Variants in GABBR2 observed in about 807,000 individuals in gnomAD.
GABBR2 encodes the protein gamma-aminobutyric acid type B receptor subunit 2, also known as G-protein coupled receptor 51.
A neutral mutation model predicts 105.6 loss-of-function variants in GABBR2; 23 were observed. That is an observed-to-expected ratio of 0.22 (90% CI 0.16 to 0.31). The LOEUF (loss-of-function observed/expected upper bound fraction) is 0.31, where lower values mean the gene tolerates loss of function less well. GABBR2 is among the 10% of genes least tolerant of loss of function. GABBR2 has a pLI of 1.00. For missense variants in GABBR2, 734 were observed against 1,245.5 expected (o/e 0.59, Z 6.18); for synonymous variants, 478 against 499.7 (o/e 0.96, Z 0.58).
chr9:98,405,091 G>A (rs563732703), intron 8 of GABBR2, among the ~76,000 whole-genome samples: 1 of 152,270 alleles, frequency 6.6e-6, no homozygotes, highest in Admixed American at 6.5e-5. Context: ...ATGAGATCGT[G>A]TCTAGGAGCT....
chr9:98,304,358 C>T (rs1490441472), intron 15 of GABBR2: 1 of 152,342 alleles, frequency 6.6e-6, no homozygotes, highest in African/African-American at 2.4e-5. Flanking sequence ...CTAGAGGAGA[C>T]CCAAGGGTCC....
intron 13 of GABBR2, among the ~76,000 whole-genome samples, chr9:98,349,358 T>TG (rs1831356407): frequency 6.0e-5 from 1 of 16,638 alleles, no homozygotes; most frequent in Non-Finnish European, 2.1e-4. Flanking sequence ...TGTTTTTTTT[T>TG]TTTTTTTTTT....
Position 98,299,211 on chromosome 9 carries a change from C to T in GABBR2, c.2542+13G>A. 2 of 1,613,096 alleles carry T rather than the reference C, an allele frequency of 1.2e-6. No individual in the cohort carries two copies. Among genetic ancestry groups the T allele is most frequent in the South Asian group, 1.1e-5 (1 of 91,058 alleles). On this transcript the variant is annotated intron_variant, in intron 17 of 18. Transcript: ENST00000259455. ...AAGGTCCCTACCACATTCTGGGGCCCTGGCTCTCTTACCTGTGCTCTCAGT... is the reference window on the plus strand; with the variant it reads ...AAGGTCCCTACCACATTCTGGGGCCTTGGCTCTCTTACCTGTGCTCTCAGT...
At chr9:98,400,266 A>G (rs1179498775) in intron 8 of GABBR2, among the ~76,000 whole-genome samples, 4 of 152,102 alleles carry the variant, frequency 2.6e-5, no homozygotes, top group African/African-American at 9.7e-5. Context: ...AATGACTAAT[A>G]AGCACAGAAA....
chr9:98,305,294 A>G (rs1341208603), intron 15 of GABBR2, among the ~76,000 whole-genome samples: 1 of 152,250 alleles, frequency 6.6e-6, no homozygotes, highest in Non-Finnish European at 1.5e-5. Flanking sequence ...GGACCCAACA[A>G]TACTACTTCT....
chr9:98,318,129 C>T (rs1033936674), intron 13 of GABBR2, among the ~76,000 whole-genome samples: 3 of 152,142 alleles, frequency 2.0e-5, no homozygotes, highest in Non-Finnish European at 4.4e-5. Context: ...GTGTGATAAG[C>T]GAGAGGACAG....
At chr9:98,576,819 G>A (rs151048131) in intron 2 of GABBR2, among the ~76,000 whole-genome samples, 303 of 152,292 alleles carry the variant, frequency 2.0e-3, no homozygotes, top group African/African-American at 7.1e-3. Context: ...CCAGAATAAT[G>A]TGAACCATAC....
At chr9:98,374,801 T>C (rs1359141428) in intron 11 of GABBR2, among the ~76,000 whole-genome samples, 2 of 152,174 alleles carry the variant, frequency 1.3e-5, no homozygotes, top group Non-Finnish European at 2.9e-5. Flanking sequence ...GCCTTTTCCT[T>C]TGCTGATATT....
At chr9:98,399,351 C>CAAAA (rs56407615) in intron 8 of GABBR2, among the ~76,000 whole-genome samples, 1 of 98,386 alleles carries the variant, frequency 1.0e-5, no homozygotes, top group Admixed American at 1.2e-4. Flanking sequence ...GACTCCATCT[C>CAAAA]AAAAAAAAAA....
At chr9:98,553,334 C>T (rs1341619520) in intron 2 of GABBR2, among the ~76,000 whole-genome samples, 2 of 151,994 alleles carry the variant, frequency 1.3e-5, no homozygotes, top group South Asian at 4.2e-4. Flanking sequence ...TGGCTAACAC[C>T]TGTAATCCCA....
At chr9:98,575,801 C>A (rs1270018425) in intron 2 of GABBR2, among the ~76,000 whole-genome samples, 3 of 152,156 alleles carry the variant, frequency 2.0e-5, no homozygotes, top group Non-Finnish European at 4.4e-5. Context: ...CTTTTCTGGT[C>A]TCCTCTTCCT....
At chr9:98,555,066 G>A (rs1425576115) in intron 2 of GABBR2, among the ~76,000 whole-genome samples, 9 of 152,194 alleles carry the variant, frequency 5.9e-5, no homozygotes, top group African/African-American at 2.2e-4. Context: ...CAGGGCTGTC[G>A]TGAGGGTTGG....
intron 1 of GABBR2, among the ~76,000 whole-genome samples, chr9:98,708,180 C>CCACACACA (rs1474407105): frequency 3.9e-5 from 6 of 152,176 alleles, no homozygotes; most frequent in Non-Finnish European, 8.8e-5. Flanking sequence ...CCACCCCTCC[C>CCACACACA]CACACACACA....
At chr9:98,318,208 C>T (rs765141404) in intron 13 of GABBR2, among the ~76,000 whole-genome samples, 2 of 152,160 alleles carry the variant, frequency 1.3e-5, no homozygotes, top group Non-Finnish European at 2.9e-5. Context: ...GATTCAGGTG[C>T]GCGGTCCCGG....
At chr9:98,540,669 C>T (rs1203453091) in intron 3 of GABBR2, among the ~76,000 whole-genome samples, 4 of 152,220 alleles carry the variant, frequency 2.6e-5, no homozygotes, top group African/African-American at 9.6e-5. Flanking sequence ...GTCTAGACCC[C>T]TGACTCACAC....
At chr9:98,335,955 C>A (rs1831107731) in intron 13 of GABBR2, among the ~76,000 whole-genome samples, 1 of 152,134 alleles carries the variant, frequency 6.6e-6, no homozygotes, top group African/African-American at 2.4e-5. Flanking sequence ...AGAAAGAGCT[C>A]TGAGTAAGAT....
At chr9:98,706,109 C>CAAAAAAAA (rs3983388) in intron 1 of GABBR2, among the ~76,000 whole-genome samples, 1 of 136,994 alleles carries the variant, frequency 7.3e-6, no homozygotes, top group African/African-American at 2.8e-5. Flanking sequence ...ACAAAAAAAA[C>CAAAAAAAA]AAAAAAAAAA....
At chr9:98,358,966 T>A (rs1474753979) in intron 13 of GABBR2, among the ~76,000 whole-genome samples, 1 of 152,212 alleles carries the variant, frequency 6.6e-6, no homozygotes, top group African/African-American at 2.4e-5. Context: ...CTGAGTGACC[T>A]GGGCCAGTCA....
chr9:98,609,423 A>G (rs1829474621), intron 1 of GABBR2, among the ~76,000 whole-genome samples: 1 of 152,150 alleles, frequency 6.6e-6, no homozygotes, highest in Non-Finnish European at 1.5e-5. Context: ...TTACCCTTCC[A>G]TCTATGAAAT....
Sources: gnomAD v4.1 joint callset for allele counts (sites outside exome capture counted in the v4.1 genomes callset) on GRCh38, gnomAD v4.1.1 for gene constraint, MANE v1.5 for transcripts, NCBI Gene and HGNC (gene_info 2026-07-23, HGNC 2026-07-21) for gene names.